The following ASTN1 variants were observed in gnomAD, a reference collection of about 807,000 sequenced individuals.
ASTN1 encodes the protein astrotactin-1.
Under a neutral mutation model 140.7 loss-of-function variants are expected in ASTN1, and 41 were observed. The observed-to-expected ratio is 0.29, with a 90% CI of 0.23 to 0.38. The LOEUF is 0.38. Among genes scored for constraint, ASTN1 ranks in the 10% least tolerant of loss-of-function variants. ASTN1 has a pLI of 1.00. For synonymous variants in ASTN1, 640 were observed against 652.2 expected (o/e 0.98, Z 0.29); for missense variants, 1,479 against 1,678.8 (o/e 0.88, Z 2.08).
At chr1:177,134,274 C>T (rs1019399226) in intron 1 of ASTN1, among the ~76,000 whole-genome samples, 4 of 152,182 alleles carry the variant, frequency 2.6e-5, no homozygotes, top group Non-Finnish European at 4.4e-5. Flanking sequence ...TGCAGGCTCC[C>T]GAAAGCAGTA....
chr1:177,084,406 C>T (rs994711682), intron 1 of ASTN1, among the ~76,000 whole-genome samples: 2 of 152,172 alleles, frequency 1.3e-5, no homozygotes, highest in South Asian at 2.1e-4. Context: ...TGTGTCCCCC[C>T]ACAAAGAGAA....
At chr1:177,128,008 G>GTAA (rs1681751604) in intron 1 of ASTN1, among the ~76,000 whole-genome samples, 1 of 96,736 alleles carries the variant, frequency 1.0e-5, no homozygotes, top group Non-Finnish European at 2.7e-5. Flanking sequence ...AAATAAAACA[G>GTAA]TAATAATAAT....
At position 176,957,736 on chromosome 1, in the gene ASTN1, C is replaced by T. The variant is rs145567632; in HGVS notation, c.1829G>A (p.Gly610Asp). ...PVRDCSKDNGGCSKNFRCISD... is the reference protein window; with the variant it reads ...PVRDCSKDNGDCSKNFRCISD... ...AATACAGCGGAAATTCTTACTGCAGCCCCCGTTATCTTTGCTGCAGTCGCG... is the reference window on the plus strand; with the variant it reads ...AATACAGCGGAAATTCTTACTGCAGTCCCCGTTATCTTTGCTGCAGTCGCG... The change falls in exon 11 of 23, where the codon GGC becomes GAC. Residue 610 changes from glycine (G) to aspartate (D), a missense_variant. Physicochemically the swap from Gly to Asp is moderately conservative, Grantham distance 94. This residue lies in a region of ASTN1 where 729 missense variants were observed against 860.4 expected (regional missense o/e 0.85). Coordinates refer to ENST00000361833, the MANE Select transcript of ASTN1 (RefSeq NM_004319.3). 100 of 1,614,082 alleles carry T rather than the reference C, an allele frequency of 6.2e-5. No homozygotes were observed. In the African/African-American group the frequency reaches 1.2e-3, roughly 20 times the overall value.
intron 18 of ASTN1, 123 bp downstream of exon 18, chr1:176,887,948 C>G: frequency 1.5e-6 from 2 of 1,373,926 alleles, no homozygotes; most frequent in Non-Finnish European, 2.0e-6. Context: ...TGAAAGCTCT[C>G]TAAAGGCAGG....
intron 9 of ASTN1, among the ~76,000 whole-genome samples, chr1:176,961,941 A>T (rs1305783491): frequency 6.6e-6 from 1 of 152,224 alleles, no homozygotes; most frequent in African/African-American, 2.4e-5. Context: ...GTGTTCAACT[A>T]GAGCTAGAAA....
chr1:177,041,588 C>T (rs896752217), intron 2 of ASTN1, among the ~76,000 whole-genome samples: 1 of 152,204 alleles, frequency 6.6e-6, no homozygotes, highest in African/African-American at 2.4e-5. Context: ...AATGTCTATT[C>T]TGGGCCACGT....
intron 1 of ASTN1, among the ~76,000 whole-genome samples, chr1:177,158,350 T>C (rs1454385069): frequency 6.6e-6 from 1 of 152,208 alleles, no homozygotes; most frequent in African/African-American, 2.4e-5. Flanking sequence ...ACAAAAGCTA[T>C]TGAAATAATT....
chr1:176,947,729 G>A (rs1672015369), intron 12 of ASTN1, among the ~76,000 whole-genome samples: 1 of 152,120 alleles, frequency 6.6e-6, no homozygotes, highest in South Asian at 2.1e-4. Context: ...TTGAACATCT[G>A]GACAGCTTCC....
intron 16 of ASTN1, among the ~76,000 whole-genome samples, chr1:176,931,253 G>T (rs929224541): frequency 6.6e-6 from 1 of 152,134 alleles, no homozygotes; most frequent in Non-Finnish European, 1.5e-5. Context: ...GATCACCTGA[G>T]GTCGGGAGTT....
At chr1:177,095,023 C>T (rs907299192) in intron 1 of ASTN1, among the ~76,000 whole-genome samples, 3 of 152,152 alleles carry the variant, frequency 2.0e-5, no homozygotes, top group African/African-American at 7.2e-5. Context: ...CAACGAAGAA[C>T]TTGGCTTAAT....
intron 19 of ASTN1, 57 bp from the exon 20 acceptor site, chr1:176,883,051 A>C: frequency 2.5e-6 from 4 of 1,600,942 alleles, no homozygotes; most frequent in Non-Finnish European, 3.4e-6. Context: ...CCAAGCAATG[A>C]GGAGATGGAG....
chr1:176,864,432 C>T lies in ASTN1; in HGVS notation c.3737G>A (p.Ser1246Asn). The part of the protein sequence containing the change: ...LQEPKISLRR[S>N]SLKYLGCRYS... ...GCGGCACCCCAGGTACTTGAGTGAG[C>T]TGCGCCGCAAGCTTATCTTGGGTTC... The change falls in exon 23 of 23, where the codon AGC (serine) becomes AAC (asparagine). Residue 1246 changes from serine (S) to asparagine (N), a missense_variant. By Grantham distance (46) the Ser-to-Asn change is conservative. Around this residue, in one of 3 missense-constraint regions of ASTN1, gnomAD observed 746 missense variants for 800.9 expected, o/e 0.93. Coordinates refer to ENST00000361833, the MANE Select transcript of ASTN1 (RefSeq NM_004319.3). The T allele has an allele frequency of 1.2e-6, 2 of 1,614,120 alleles. No individual in the cohort carries two copies. The highest frequency in any genetic ancestry group is 3.3e-5 in the Admixed American group (2 of 60,020).
intron 1 of ASTN1, among the ~76,000 whole-genome samples, chr1:177,152,257 C>T (rs1244288663): frequency 2.6e-5 from 4 of 152,036 alleles, no homozygotes; most frequent in Non-Finnish European, 5.9e-5. Flanking sequence ...GATTCACCAT[C>T]AGAATTTTCT....
intron 8 of ASTN1, among the ~76,000 whole-genome samples, chr1:176,970,183 C>T (rs1324275772): frequency 6.6e-6 from 1 of 152,196 alleles, no homozygotes; most frequent in African/African-American, 2.4e-5. Context: ...TCCACTTTTG[C>T]AGGGATTTTT....
At chr1:177,002,789 T>C (rs1486292059) in intron 8 of ASTN1, among the ~76,000 whole-genome samples, 2 of 152,166 alleles carry the variant, frequency 1.3e-5, no homozygotes, top group Non-Finnish European at 2.9e-5. Context: ...GCAGAAATTG[T>C]AGGTGAAATA....
At chr1:177,051,249 C>T (rs1393726126) in intron 2 of ASTN1, among the ~76,000 whole-genome samples, 2 of 152,198 alleles carry the variant, frequency 1.3e-5, no homozygotes, top group East Asian at 3.8e-4. Context: ...CTAAAGCTTC[C>T]ACTCAGTTGT....
chr1:177,154,838 T>G (rs1313702116), intron 1 of ASTN1, among the ~76,000 whole-genome samples: 1 of 151,960 alleles, frequency 6.6e-6, no homozygotes, highest in Non-Finnish European at 1.5e-5. Context: ...TGCTGTGAAT[T>G]GAGGAATATA....
chr1:176,998,814 G>A (rs228011), intron 8 of ASTN1, among the ~76,000 whole-genome samples: 89,093 of 152,072 alleles, frequency 0.59, 26,776 homozygotes, highest in African/African-American at 0.68. Context: ...TGTGCCAGGC[G>A]GCACCGTGAC....
intron 3 of ASTN1, among the ~76,000 whole-genome samples, chr1:177,031,647 C>T (rs1414791091): frequency 6.6e-6 from 1 of 152,130 alleles, no homozygotes; most frequent in South Asian, 2.1e-4. Flanking sequence ...CTTTTTCAAG[C>T]CCCACTGAAA....
Sources: gnomAD v4.1 joint callset for allele counts (sites outside exome capture counted in the v4.1 genomes callset) on GRCh38, gnomAD v4.1.1 for gene constraint, gnomAD v4.1.1 regional missense constraint, MANE v1.5 for transcripts, NCBI Gene and HGNC (gene_info 2026-07-23, HGNC 2026-07-21) for gene names.